Variants in TIAM2 observed in about 807,000 individuals in gnomAD.
TIAM2 encodes TIAM Rac1 associated GEF 2, also known as rho guanine nucleotide exchange factor TIAM2.
Under a neutral mutation model 152.9 loss-of-function variants are expected in TIAM2, and 80 were observed. The observed-to-expected ratio is 0.52, with a 90% confidence interval of 0.44 to 0.63. The LOEUF (loss-of-function observed/expected upper bound fraction) is 0.63. Among genes scored for constraint, TIAM2 ranks in the 30% least tolerant of loss-of-function variants. The pLI is 0.00. For missense variants in TIAM2, 1,965 were observed against 2,120.1 expected (o/e 0.93, Z 1.44); for synonymous variants, 804 against 838.0 (o/e 0.96, Z 0.70).
chr6:155,212,308 C>T (rs948085721), intron 15 of TIAM2, among the ~76,000 whole-genome samples: 4 of 152,248 alleles, frequency 2.6e-5, no homozygotes, highest in Admixed American at 6.5e-5. Flanking sequence ...ACATTCCCAG[C>T]GGCAATGCAG....
At chr6:155,202,658 C>T (rs9480084) in intron 14 of TIAM2, among the ~76,000 whole-genome samples, 111,330 of 149,442 alleles carry the variant, frequency 0.74, 41,756 homozygotes, top group Admixed American at 0.78. Flanking sequence ...GAACTCCTGA[C>T]CGCAAGCAAT....
intron 14 of TIAM2, among the ~76,000 whole-genome samples, chr6:155,196,896 G>T (rs1384624298): frequency 6.6e-6 from 1 of 152,100 alleles, no homozygotes; most frequent in Non-Finnish European, 1.5e-5. Context: ...CTTGCATATG[G>T]CTGTTAACAT....
chr6:155,049,056 C>T (rs557289514), intron 1 of TIAM2, among the ~76,000 whole-genome samples: 1 of 152,230 alleles, frequency 6.6e-6, no homozygotes, highest in South Asian at 2.1e-4. Context: ...CCGTCTCGGA[C>T]TCCCAAAGTG....
At chr6:155,210,133 T>C (rs973724302) in intron 14 of TIAM2, among the ~76,000 whole-genome samples, 1 of 152,206 alleles carries the variant, frequency 6.6e-6, no homozygotes, top group African/African-American at 2.4e-5. Context: ...TCTGTCTCTA[T>C]TGGAGAAGAG....
intron 1 of TIAM2, among the ~76,000 whole-genome samples, chr6:155,018,446 C>A (rs1220949070): frequency 6.6e-6 from 1 of 151,436 alleles, no homozygotes; most frequent in African/African-American, 2.4e-5. Context: ...ACAGTGAAAC[C>A]CCGTGTCACT....
chr6:155,244,741 A>G lies in TIAM2; in HGVS notation c.3501A>G (p.Ala1167=), dbSNP rs144709125. The change falls in exon 18 of 27, where the codon GCA becomes GCG. Residue 1167 remains alanine, a synonymous_variant. Coordinates refer to ENST00000682666, the MANE Select transcript of TIAM2 (RefSeq NM_012454.4). ...AGACCCTGGAGGATGGGATTTCAGCATCATCTGACTTTAACACCCTAGAAA... is the reference window on the plus strand; with the variant it reads ...AGACCCTGGAGGATGGGATTTCAGCGTCATCTGACTTTAACACCCTAGAAA... ...FLETLEDGIS[A]SSDFNTLETP... 218 of 1,613,994 alleles carry G rather than the reference A, an allele frequency of 1.4e-4. No individual in the cohort carries two copies. Among genetic ancestry groups the G allele is most frequent in the Middle Eastern group, 6.6e-4 (4 of 6,084 alleles).
chr6:155,043,590 T>C (rs970352898), intron 1 of TIAM2, among the ~76,000 whole-genome samples: 50 of 136,710 alleles, frequency 3.7e-4, no homozygotes, highest in Non-Finnish European at 6.7e-4. Context: ...GCAGCGATTG[T>C]GCCACTGCAC....
At chr6:155,142,052 C>T (rs572916863) in intron 5 of TIAM2, among the ~76,000 whole-genome samples, 8 of 149,972 alleles carry the variant, frequency 5.3e-5, no homozygotes, top group South Asian at 2.1e-4. Flanking sequence ...CCGGGGTGAA[C>T]GGCAAGGCAG....
chr6:155,083,637 T>C (rs1490931584), intron 1 of TIAM2, among the ~76,000 whole-genome samples: 1 of 152,188 alleles, frequency 6.6e-6, no homozygotes, highest in Non-Finnish European at 1.5e-5. Context: ...TTGGAAGTGA[T>C]GAGGAATTAT....
intron 1 of TIAM2, among the ~76,000 whole-genome samples, chr6:155,013,469 G>A (rs1401419190): frequency 2.6e-5 from 4 of 152,148 alleles, no homozygotes; most frequent in East Asian, 3.8e-4. Context: ...TGCATCTGGC[G>A]CTGTGCTAGG....
chr6:155,024,416 A>AT lies in TIAM2; in HGVS notation c.-209+28934dup, dbSNP rs536310735. The stretch of plus-strand genomic sequence containing the variant: ...ACAAATTTCCTGGAAGAAATTGTGC[A>AT]TTTTTTTTTTCCCTGAGAGTGTCAT... On this transcript the variant is annotated intron_variant, in intron 1 of 26. Transcript: ENST00000682666. 3.0e-3 allele frequency among the ~76,000 whole-genome samples: 450 copies of AT among 149,360 alleles called. 2 individuals are homozygous for AT. The highest frequency in any genetic ancestry group is 0.024 in the South Asian group (114 of 4,724).
chr6:155,071,558 A>AGCG (rs1777837830), intron 1 of TIAM2, among the ~76,000 whole-genome samples: 1 of 152,176 alleles, frequency 6.6e-6, no homozygotes. Context: ...CCTGCATAGC[A>AGCG]TGGTAAGTGC....
At chr6:155,018,831 G>A (rs1231915941) in intron 1 of TIAM2, among the ~76,000 whole-genome samples, 1 of 130,652 alleles carries the variant, frequency 7.7e-6, no homozygotes, top group Non-Finnish European at 1.6e-5. Flanking sequence ...CTGAGGTCAC[G>A]AGTTCGACAT....
chr6:155,182,127 C>A, intron 12 of TIAM2, 99 bp from the exon 13 acceptor site: 2 of 973,610 alleles, frequency 2.1e-6, no homozygotes, highest in South Asian at 1.4e-5. Flanking sequence ...ACATACTGTA[C>A]TTATGAGAAA....
chr6:155,191,506 A>G (rs754807067), intron 14 of TIAM2, among the ~76,000 whole-genome samples: 3 of 152,026 alleles, frequency 2.0e-5, no homozygotes, highest in African/African-American at 7.2e-5. Flanking sequence ...TATTGGGGAA[A>G]ATTGGCTGGG....
At chr6:155,231,038 C>A (rs1246038813) in intron 15 of TIAM2, among the ~76,000 whole-genome samples, 1 of 150,972 alleles carries the variant, frequency 6.6e-6, no homozygotes, top group East Asian at 1.9e-4. Flanking sequence ...GATGGGGTTT[C>A]ACCATGTTGG....
intron 7 of TIAM2, among the ~76,000 whole-genome samples, chr6:155,157,955 C>T (rs1355223001): frequency 6.6e-6 from 1 of 152,094 alleles, no homozygotes; most frequent in East Asian, 1.9e-4. Flanking sequence ...GAAAACAGAA[C>T]AAAACCGAAT....
chr6:155,036,163 C>T (rs1776917800), intron 1 of TIAM2, among the ~76,000 whole-genome samples: 1 of 152,104 alleles, frequency 6.6e-6, no homozygotes, highest in African/African-American at 2.4e-5. Flanking sequence ...AAGAATGTCG[C>T]ATGAATAAAG....
intron 14 of TIAM2, among the ~76,000 whole-genome samples, chr6:155,194,198 G>A (rs1407319479): frequency 6.6e-6 from 1 of 152,188 alleles, no homozygotes; most frequent in Non-Finnish European, 1.5e-5. Context: ...GGAGGAGGCC[G>A]GGGCTGTCTA....
Sources: allele counts gnomAD v4.1 joint callset (sites outside exome capture counted in the v4.1 genomes callset), GRCh38; gene constraint gnomAD v4.1.1; transcripts MANE v1.5; gene names NCBI Gene and HGNC (gene_info 2026-07-23, HGNC 2026-07-21).